The following CAMKMT variants were observed in gnomAD, a reference collection of about 807,000 sequenced individuals.
CAMKMT encodes the protein calmodulin-lysine N-methyltransferase.
CAMKMT carries 53 observed loss-of-function variants against 48.0 expected under a neutral mutation model. The observed-to-expected ratio is 1.10, with a 90% CI of 0.89 to 1.39. CAMKMT has a LOEUF of 1.39. Ranked by LOEUF, CAMKMT falls within the 40% of genes most tolerant of loss-of-function variation. The pLI, the probability that CAMKMT is intolerant of heterozygous loss-of-function variation, is 0.00. For synonymous variants in CAMKMT, 165 were observed against 152.3 expected (o/e 1.08, Z -0.61); for missense variants, 428 against 402.7 (o/e 1.06, Z -0.54).
chr2:44,463,408 C>T (rs1667947050), intron 3 of CAMKMT, among the ~76,000 whole-genome samples: 1 of 152,204 alleles, frequency 6.6e-6, no homozygotes, highest in Non-Finnish European at 1.5e-5. Context: ...ATGTCAGCCC[C>T]TCTCTTAAGC....
chr2:44,477,143 C>T (rs185954872), intron 3 of CAMKMT, among the ~76,000 whole-genome samples: 5 of 152,278 alleles, frequency 3.3e-5, no homozygotes, highest in Admixed American at 1.3e-4. Flanking sequence ...TGTATTTAAT[C>T]ACTATCTTTT....
intron 2 of CAMKMT, among the ~76,000 whole-genome samples, chr2:44,383,240 C>T (rs968659156): frequency 6.6e-6 from 1 of 152,086 alleles, no homozygotes; most frequent in Non-Finnish European, 1.5e-5. Flanking sequence ...TCTCAGCTCA[C>T]TGCATCCTTC....
chr2:44,634,334 C>T (rs1673002443), intron 3 of CAMKMT, among the ~76,000 whole-genome samples: 1 of 151,842 alleles, frequency 6.6e-6, no homozygotes, highest in South Asian at 2.1e-4. Context: ...TCTTAAGTCT[C>T]ACTTCACTTG....
intron 3 of CAMKMT, among the ~76,000 whole-genome samples, chr2:44,588,616 C>G (rs1168751043): frequency 5.1e-5 from 2 of 39,282 alleles, no homozygotes; most frequent in Non-Finnish European, 5.2e-5. Flanking sequence ...GTCAGCCCCC[C>G]GCCCGGCCAG....
intron 3 of CAMKMT, among the ~76,000 whole-genome samples, chr2:44,524,152 C>T (rs1572711674): frequency 6.6e-6 from 1 of 152,156 alleles, no homozygotes; most frequent in South Asian, 2.1e-4. Context: ...AGTCACAGAG[C>T]ATCACTTCCA....
chr2:44,482,542 G>A (rs1036350466), intron 3 of CAMKMT, among the ~76,000 whole-genome samples: 5 of 152,036 alleles, frequency 3.3e-5, no homozygotes, highest in African/African-American at 1.2e-4. Context: ...GTACATTTAG[G>A]TAAATATATT....
chr2:44,389,485 T>C (rs1448139892), intron 2 of CAMKMT, among the ~76,000 whole-genome samples: 1 of 152,184 alleles, frequency 6.6e-6, no homozygotes, highest in Non-Finnish European at 1.5e-5. Context: ...CAAACTTTTA[T>C]AACATTCTAA....
At chr2:44,381,926 A>T (rs1042166911) in intron 2 of CAMKMT, among the ~76,000 whole-genome samples, 2 of 146,826 alleles carry the variant, frequency 1.4e-5, no homozygotes, top group Non-Finnish European at 3.0e-5. Flanking sequence ...TAATTTTAAT[A>T]GTTTTATCTT....
At chr2:44,487,409 A>C (rs1669265750) in intron 3 of CAMKMT, among the ~76,000 whole-genome samples, 1 of 152,182 alleles carries the variant, frequency 6.6e-6, no homozygotes, top group Admixed American at 6.5e-5. Context: ...TAAAGTTGAA[A>C]TATGTACTAT....
chr2:44,408,323 C>T (rs1341775777), intron 3 of CAMKMT, among the ~76,000 whole-genome samples: 1 of 151,916 alleles, frequency 6.6e-6, no homozygotes, highest in African/African-American at 2.4e-5. Context: ...CGCGCCTGGC[C>T]GTCTTTTACT....
rs115439979 is a variant in CAMKMT at position 44,755,132 on chromosome 2, G to T, written c.762+1014G>T. On this transcript the variant is annotated intron_variant, in intron 9 of 10. Coordinates refer to ENST00000378494, the MANE Select transcript of CAMKMT (RefSeq NM_024766.5). ...TAATCATCCTTTGCCATACACTGTT[G>T]CTTTTTATTTTGCTATCTCTATGTA... 5.2e-3 allele frequency among the ~76,000 whole-genome samples: 789 copies of T among 152,168 alleles called. 3 individuals carry two copies. Among genetic ancestry groups the T allele is most frequent in the African/African-American group, 0.018 (753 of 41,500 alleles).
intron 3 of CAMKMT, among the ~76,000 whole-genome samples, chr2:44,490,579 C>T (rs936694392): frequency 5.3e-5 from 8 of 149,892 alleles, no homozygotes; most frequent in Non-Finnish European, 1.0e-4. Context: ...CCAGCCTTAT[C>T]GTTTTTCTAG....
chr2:44,579,401 C>G (rs1337800491), intron 3 of CAMKMT, among the ~76,000 whole-genome samples: 2 of 152,122 alleles, frequency 1.3e-5, no homozygotes, highest in African/African-American at 2.4e-5. Context: ...ATTTCAGCAC[C>G]AAACGCTTAC....
At chr2:44,729,836 C>T (rs1357588013) in intron 7 of CAMKMT, among the ~76,000 whole-genome samples, 1 of 152,178 alleles carries the variant, frequency 6.6e-6, no homozygotes, top group Non-Finnish European at 1.5e-5. Context: ...CCACCAGCAT[C>T]AGTTGTATAC....
intron 3 of CAMKMT, among the ~76,000 whole-genome samples, chr2:44,685,161 T>C (rs950141226): frequency 1.3e-5 from 2 of 152,010 alleles, no homozygotes; most frequent in Non-Finnish European, 2.9e-5. Context: ...TAATGAAACC[T>C]TGAAGGTGGG....
chr2:44,738,503 C>CTATT (rs1444784087), intron 7 of CAMKMT, among the ~76,000 whole-genome samples: 1 of 152,168 alleles, frequency 6.6e-6, no homozygotes, highest in Non-Finnish European at 1.5e-5. Context: ...ATAGAAACCT[C>CTATT]TATTTCTTGA....
intron 3 of CAMKMT, chr2:44,549,533 AT>A (rs1332459647): frequency 4.3e-6 from 3 of 693,366 alleles, no homozygotes; most frequent in South Asian, 1.5e-5. Context: ...TGTATATATA[AT>A]TTTTTTTCTT....
chr2:44,715,228 AC>A, intron 6 of CAMKMT, 58 bp from the exon 7 acceptor site: 1 of 1,013,966 alleles, frequency 9.9e-7, no homozygotes, highest in Non-Finnish European at 1.5e-6. Flanking sequence ...CTGTTTCTGG[AC>A]CTTTTTTTTT....
chr2:44,571,852 A>G (rs1197780701), intron 3 of CAMKMT, among the ~76,000 whole-genome samples: 1 of 152,174 alleles, frequency 6.6e-6, no homozygotes, highest in Non-Finnish European at 1.5e-5. Flanking sequence ...CAAAACAAAT[A>G]ACAGTTATTA....
Sources: allele counts gnomAD v4.1 joint callset (sites outside exome capture counted in the v4.1 genomes callset), GRCh38; gene constraint gnomAD v4.1.1; transcripts MANE v1.5; gene names NCBI Gene and HGNC (gene_info 2026-07-23, HGNC 2026-07-21).